Variants in MEMO1 observed in about 807,000 individuals in gnomAD.
The protein encoded by MEMO1 is protein MEMO1.
A neutral mutation model predicts 45.2 loss-of-function variants in MEMO1; 6 were observed. The observed-to-expected ratio is 0.13, with a 90% CI of 0.07 to 0.26. MEMO1 has a LOEUF of 0.26. Ranked by LOEUF, MEMO1 falls within the 10% of genes least tolerant of loss-of-function variation. MEMO1 has a pLI of 1.00. For synonymous variants in MEMO1, 78 were observed against 124.3 expected (o/e 0.63, Z 2.48); for missense variants, 184 against 370.5 (o/e 0.50, Z 4.13).
At chr2:31,943,175 G>C (rs1022211519) in intron 3 of MEMO1, 127 bp downstream of exon 3, 1 of 718,146 alleles carries the variant, frequency 1.4e-6, no homozygotes, top group South Asian at 1.6e-5. Flanking sequence ...TGAGGCAGGA[G>C]AGTCGCTTGA....
intron 6 of MEMO1, among the ~76,000 whole-genome samples, chr2:31,914,281 T>G (rs1681077581): frequency 6.6e-6 from 1 of 152,096 alleles, no homozygotes; most frequent in Non-Finnish European, 1.5e-5. Flanking sequence ...TACACATTTG[T>G]GGGACCTAAA....
chr2:31,996,888 G>A (rs1010622389), intron 2 of MEMO1, among the ~76,000 whole-genome samples: 2 of 152,016 alleles, frequency 1.3e-5, no homozygotes, highest in Non-Finnish European at 2.9e-5. Flanking sequence ...GAACTACTAT[G>A]CCCAGCAGAG....
intron 2 of MEMO1, among the ~76,000 whole-genome samples, chr2:31,992,066 C>T (rs891525108): frequency 1.3e-5 from 2 of 152,228 alleles, no homozygotes; most frequent in East Asian, 3.9e-4. Flanking sequence ...ATAAGAATAT[C>T]AGCTTAACAA....
intron 2 of MEMO1, among the ~76,000 whole-genome samples, chr2:31,999,395 G>A (rs769846291): frequency 1.3e-5 from 2 of 152,122 alleles, no homozygotes; most frequent in Non-Finnish European, 2.9e-5. Context: ...AGGCACAGTG[G>A]CTCATACCTG....
At chr2:31,886,050 C>T (rs1382952800) in intron 7 of MEMO1, among the ~76,000 whole-genome samples, 1 of 152,164 alleles carries the variant, frequency 6.6e-6, no homozygotes, top group African/African-American at 2.4e-5. Flanking sequence ...AATACTGGAT[C>T]GGCATGGGAT....
intron 8 of MEMO1, among the ~76,000 whole-genome samples, chr2:31,872,038 C>CACACACAT (rs1308559951): frequency 6.6e-6 from 1 of 151,614 alleles, no homozygotes. Flanking sequence ...CACACACACA[C>CACACACAT]ACACACAAAG....
At chr2:31,974,590 C>T (rs973149410) in intron 2 of MEMO1, among the ~76,000 whole-genome samples, 1 of 151,984 alleles carries the variant, frequency 6.6e-6, no homozygotes. Context: ...ACTAAAAACA[C>T]AAAAATTAGC....
At chr2:31,922,152 G>C (rs945886353) in intron 4 of MEMO1, among the ~76,000 whole-genome samples, 1 of 152,024 alleles carries the variant, frequency 6.6e-6, no homozygotes, top group Non-Finnish European at 1.5e-5. Context: ...CTCAATTAAT[G>C]AACAAAAGCT....
chr2:31,952,620 G>C (rs1666963984), intron 2 of MEMO1, among the ~76,000 whole-genome samples: 1 of 152,010 alleles, frequency 6.6e-6, no homozygotes, highest in Non-Finnish European at 1.5e-5. Flanking sequence ...CAGTTTCCTA[G>C]CTCTGTCAAA....
intron 2 of MEMO1, among the ~76,000 whole-genome samples, chr2:31,990,171 A>C (rs1365446257): frequency 6.6e-6 from 1 of 152,174 alleles, no homozygotes; most frequent in Non-Finnish European, 1.5e-5. Context: ...GGGTGAGGCC[A>C]GATTTTCTCC....
intron 6 of MEMO1, among the ~76,000 whole-genome samples, chr2:31,903,282 G>C (rs1224062251): frequency 1.3e-5 from 2 of 152,056 alleles, no homozygotes; most frequent in African/African-American, 4.8e-5. Flanking sequence ...TAAACCAACT[G>C]TAACAACAAC....
intron 3 of MEMO1, among the ~76,000 whole-genome samples, chr2:31,939,434 T>C (rs1665347614): frequency 6.6e-6 from 1 of 152,156 alleles, no homozygotes; most frequent in South Asian, 2.1e-4. Context: ...ACATTCCATT[T>C]CCCAGGTCAC....
intron 2 of MEMO1, among the ~76,000 whole-genome samples, chr2:31,971,655 G>A (rs529784329): frequency 1.3e-5 from 2 of 152,060 alleles, no homozygotes; most frequent in South Asian, 4.2e-4. Flanking sequence ...GGAACTACAG[G>A]CACAAAAACC....
Position 31,892,094 on chromosome 2 carries a change from C to A in MEMO1, c.478G>T (p.Ala160Ser). 6.2e-7 allele frequency: 1 copy of A among 1,612,582 alleles called. No homozygotes were observed. Among genetic ancestry groups the A allele is most frequent in the Non-Finnish European group, 8.5e-7 (1 of 1,179,102 alleles). The change falls in exon 7 of 10, where the codon GCT becomes TCT. Residue 160 changes from alanine (A) to serine (S), a missense_variant. Physicochemically the swap from Ala to Ser is moderately conservative, Grantham distance 99. Transcript: ENST00000404530. ...TCCTGTTCTTTTGACTCACTCAGAG[C>A]TCCAACCAGTACAGGAATAATGGTA... ...EFTIIPVLVG[A>S]LSESKEQEFG...
chr2:31,922,135 C>G (rs1479071139), intron 4 of MEMO1, among the ~76,000 whole-genome samples: 1 of 152,082 alleles, frequency 6.6e-6, no homozygotes, highest in Non-Finnish European at 1.5e-5. Context: ...AAAAGTATTA[C>G]TGATTGCTCA....
At chr2:31,875,936 C>T (rs996542546) in intron 8 of MEMO1, among the ~76,000 whole-genome samples, 4 of 152,162 alleles carry the variant, frequency 2.6e-5, no homozygotes, top group African/African-American at 7.2e-5. Context: ...ATCTGCTCGC[C>T]TCGGCCCCCC....
At chr2:31,901,835 G>C (rs949419882) in intron 6 of MEMO1, among the ~76,000 whole-genome samples, 3 of 151,722 alleles carry the variant, frequency 2.0e-5, no homozygotes, top group African/African-American at 7.3e-5. Flanking sequence ...CTTGAACCAG[G>C]AAGGTAGAGG....
intron 2 of MEMO1, among the ~76,000 whole-genome samples, chr2:31,952,554 G>T (rs572593835): frequency 4.6e-5 from 7 of 152,084 alleles, no homozygotes; most frequent in Non-Finnish European, 1.0e-4. Flanking sequence ...ACTGATTCCT[G>T]TAACAGTCCA....
At chr2:31,902,701 A>G (rs1466441249) in intron 6 of MEMO1, among the ~76,000 whole-genome samples, 1 of 152,140 alleles carries the variant, frequency 6.6e-6, no homozygotes, top group Non-Finnish European at 1.5e-5. Context: ...ATCCAAGATA[A>G]AAGAGCTGAA....
Sources: gnomAD v4.1 joint callset for allele counts (sites outside exome capture counted in the v4.1 genomes callset) on GRCh38, gnomAD v4.1.1 for gene constraint, MANE v1.5 for transcripts, NCBI Gene and HGNC (gene_info 2026-07-23, HGNC 2026-07-21) for gene names.